PARD3B: variants seen among roughly 807,000 people sequenced by gnomAD.
PARD3B encodes the protein par-3 family cell polarity regulator beta, also known as partitioning defective 3 homolog B.
PARD3B carries 103 observed loss-of-function variants against 130.2 expected under a neutral mutation model. The observed-to-expected ratio is 0.79, with a 90% confidence interval of 0.67 to 0.93. The LOEUF is 0.93. Ranked by LOEUF, PARD3B falls within the 40% of genes least tolerant of loss-of-function variation. The probability of loss-of-function intolerance (pLI) is 0.00; values close to 1 mark genes in which losing one functional copy is unlikely to be tolerated. For synonymous variants in PARD3B, 583 were observed against 553.2 expected, an observed-to-expected ratio of 1.05 and a Z score of -0.76; for missense variants, 1,609 against 1,499.2, an observed-to-expected ratio of 1.07 and a Z score of -1.21.
In PARD3B at chr2:205,176,645, A is replaced by C; in HGVS notation, c.1924+68A>C. ...AACACAAAAGTGTCTTTTTATCTAA[A>C]AAAAAAAAAAAAGAGTAAAGGGGAG... On this transcript the variant is annotated intron_variant, in intron 13 of 22. Transcript: ENST00000406610. The surrounding 1 kb of genome is among the most constrained non-coding windows in gnomAD (Gnocchi z 5.3). The C allele has an allele frequency of 1.0e-6, 1 of 1,000,262 alleles. No individual in the cohort carries two copies. Among genetic ancestry groups the C allele is most frequent in the Admixed American group, 3.5e-5 (1 of 28,268 alleles). 62.0% of individuals were successfully genotyped at this position (1,000,262 alleles called of 1,614,324 possible).
At chr2:205,170,173 G>A (rs146202567) in intron 11 of PARD3B, among the ~76,000 whole-genome samples, 10 of 152,146 alleles carry the variant, frequency 6.6e-5, no homozygotes, top group Middle Eastern at 3.4e-3. Flanking sequence ...CAGGGGATCC[G>A]CCCACCTCGG....
chr2:204,978,005 GA>G (rs1381224776), intron 3 of PARD3B, among the ~76,000 whole-genome samples: 1 of 152,016 alleles, frequency 6.6e-6, no homozygotes, highest in African/African-American at 2.4e-5. Flanking sequence ...AGAGAGAACA[GA>G]ACAGATAAAC....
chr2:205,086,278 G>A (rs1701737098), intron 4 of PARD3B, among the ~76,000 whole-genome samples: 1 of 152,126 alleles, frequency 6.6e-6, no homozygotes, highest in Non-Finnish European at 1.5e-5. Flanking sequence ...TACAAAATGG[G>A]TATTGAAGTG....
chr2:204,837,250 G>C (rs1000596971), intron 2 of PARD3B, among the ~76,000 whole-genome samples: 3 of 151,786 alleles, frequency 2.0e-5, no homozygotes, highest in Non-Finnish European at 4.4e-5. Flanking sequence ...TAGACAGTAC[G>C]TAGTTCAAAG....
intron 18 of PARD3B, among the ~76,000 whole-genome samples, chr2:205,391,069 A>G (rs958815903): frequency 6.6e-6 from 1 of 152,208 alleles, no homozygotes; most frequent in African/African-American, 2.4e-5. Context: ...ATCTGTGGCC[A>G]GTGTGGAGCA....
chr2:204,730,917 A>C (rs528205527), intron 2 of PARD3B, among the ~76,000 whole-genome samples: 1 of 152,292 alleles, frequency 6.6e-6, no homozygotes, highest in South Asian at 2.1e-4. Context: ...CTTCCTTAGC[A>C]TAGAATGTGT....
Position 204,610,692 on chromosome 2 carries a change from G to A in PARD3B, c.120+64573G>A, listed in dbSNP as rs9283519. Among the ~76,000 whole-genome samples the A allele has an allele frequency of 0.68, 103,321 of 151,990 alleles. 36,685 individuals are homozygous for A. Among genetic ancestry groups the A allele is most frequent in the East Asian group, 0.8 (4,139 of 5,154 alleles). ...TTCATAGAACCACTTTGATATGTTA[G>A]TCTACTTCAGGACAGGTGCCTCTTC... On this transcript the variant is annotated intron_variant, in intron 1 of 22. Coordinates refer to ENST00000406610, the MANE Select transcript of PARD3B (RefSeq NM_001302769.2). The surrounding 1 kb of genome is among the most constrained non-coding windows in gnomAD (Gnocchi z 4.1).
intron 20 of PARD3B, among the ~76,000 whole-genome samples, chr2:205,444,550 G>C (rs2047838902): frequency 6.6e-6 from 1 of 152,200 alleles, no homozygotes; most frequent in African/African-American, 2.4e-5. Flanking sequence ...AGTGGGTTTT[G>C]ATGTATTTGC....
chr2:204,977,835 G>A (rs111249691), intron 3 of PARD3B, among the ~76,000 whole-genome samples: 1,106 of 110,254 alleles, frequency 0.01, 19 homozygotes, highest in African/African-American at 0.032. Flanking sequence ...AAAAAAAAAA[G>A]AATAGGGAGC....
Position 205,283,752 on chromosome 2 carries a change from T to A in PARD3B, c.2186-16778T>A, listed in dbSNP as rs577625371. Among the ~76,000 whole-genome samples, 3 of 152,354 alleles carry A rather than the reference T, an allele frequency of 2.0e-5. No individual in the cohort carries two copies. The East Asian group carries it at 5.8e-4, about 29-fold the overall frequency. ...AAAACAAAATTTAACCTCTTAATCA[T>A]TTTTAAGTGTACAGTTCAGTAGTGT... On this transcript the variant is annotated intron_variant, in intron 16 of 22. Coordinates refer to ENST00000406610, the MANE Select transcript of PARD3B (RefSeq NM_001302769.2).
intron 3 of PARD3B, among the ~76,000 whole-genome samples, chr2:205,047,167 G>A (rs1384965086): frequency 1.3e-5 from 2 of 152,154 alleles, no homozygotes; most frequent in Non-Finnish European, 2.9e-5. Flanking sequence ...GCACCAAATG[G>A]CAGTAATAAC....
chr2:205,476,180 G>A lies in PARD3B; in HGVS notation c.3045-23716G>A, dbSNP rs147309961. ...TAATGGACAAGCAGTGGAAAGAACA[G>A]TCGTCAATTAGCTATCTCTTTAGCC... On this transcript the variant is annotated intron_variant, in intron 20 of 22. Transcript: ENST00000406610. 4.6e-5 allele frequency among the ~76,000 whole-genome samples: 7 copies of A among 152,270 alleles called. No individual in the cohort carries two copies. In the East Asian group the frequency reaches 1.2e-3, roughly 25 times the overall value.
At chr2:205,492,294 T>G (rs1034848549) in intron 20 of PARD3B, among the ~76,000 whole-genome samples, 1 of 152,214 alleles carries the variant, frequency 6.6e-6, no homozygotes, top group African/African-American at 2.4e-5. Flanking sequence ...GTTTGTGTTG[T>G]CTGTTTAATA....
chr2:205,000,887 G>C (rs1243339012), intron 3 of PARD3B, among the ~76,000 whole-genome samples: 1 of 152,098 alleles, frequency 6.6e-6, no homozygotes, highest in Non-Finnish European at 1.5e-5. Flanking sequence ...AGGGCCTTAG[G>C]GTTTTTTGGT....
rs1488359519 is a variant in PARD3B at position 204,907,241 on chromosome 2, A to G, written c.223-57911A>G. ...GTTATCCACCCACCTCGGCCTCCCA[A>G]AGTGCTGGGATTACCATGAAAGCTT... On this transcript the variant is annotated intron_variant, in intron 2 of 22. Transcript: ENST00000406610. This position sits in a 1 kb window ranked among gnomAD's most constrained non-coding sequence, Gnocchi z 5.7. Among the ~76,000 whole-genome samples, 4 of 152,082 alleles carry G rather than the reference A, an allele frequency of 2.6e-5. No individual in the cohort carries two copies. Among genetic ancestry groups the G allele is most frequent in the Non-Finnish European group, 1.5e-5 (1 of 67,996 alleles).
chr2:205,615,993 G>T lies in PARD3B; in HGVS notation c.*180G>T. 1 of 589,282 alleles carries T rather than the reference G, an allele frequency of 1.7e-6. No individual in the cohort carries two copies. 36.5% of individuals were successfully genotyped at this position (589,282 alleles called of 1,614,324 possible). A position where few individuals can be genotyped will look rare whatever the true frequency, so the allele number is the denominator to read the frequency against. ...GAGAAAAAGAAGGGGAAGGGAATTG[G>T]GGAGGAAAAAAAATCAGAAGGAAGA... On this transcript the variant is annotated 3_prime_UTR_variant, in exon 23 of 23. Transcript: ENST00000406610.
chr2:204,568,596 T>C (rs2031814181), intron 1 of PARD3B, among the ~76,000 whole-genome samples: 1 of 152,242 alleles, frequency 6.6e-6, no homozygotes, highest in Non-Finnish European at 1.5e-5. Flanking sequence ...TTATTTAAAA[T>C]ATTTGAAATA....
intron 21 of PARD3B, among the ~76,000 whole-genome samples, chr2:205,511,609 G>C (rs1436425887): frequency 1.3e-5 from 2 of 152,116 alleles, no homozygotes; most frequent in African/African-American, 2.4e-5. Context: ...ATGAATTCCA[G>C]ATTTCTTAAA....
intron 20 of PARD3B, among the ~76,000 whole-genome samples, chr2:205,497,202 T>C (rs2049960283): frequency 8.9e-6 from 1 of 112,206 alleles, no homozygotes; most frequent in South Asian, 3.8e-4. Context: ...ACATACATAT[T>C]GAAAAAAAAA....
Sources: gnomAD v4.1 joint callset for allele counts (sites outside exome capture counted in the v4.1 genomes callset) on GRCh38, gnomAD v4.1.1 for gene constraint, Gnocchi (gnomAD v3.1) non-coding constraint, MANE v1.5 for transcripts, NCBI Gene and HGNC (gene_info 2026-07-23, HGNC 2026-07-21) for gene names.